GRID1: variants seen among roughly 807,000 people sequenced by gnomAD.
GRID1 encodes glutamate ionotropic receptor delta type subunit 1.
In GRID1, 28 loss-of-function variants were observed where a neutral mutation model predicts 98.0. The observed-to-expected ratio is 0.29, with a 90% CI of 0.21 to 0.39. GRID1 has a LOEUF of 0.39. GRID1 is among the 10% of genes least tolerant of loss of function. The pLI is 1.00. For missense variants in GRID1, 1,111 were observed against 1,340.5 expected, an observed-to-expected ratio of 0.83 and a Z score of 2.67; for synonymous variants, 553 against 538.5, an observed-to-expected ratio of 1.03 and a Z score of -0.37.
chr10:86,186,469 C>T (rs1408457698), intron 3 of GRID1, among the ~76,000 whole-genome samples: 2 of 152,080 alleles, frequency 1.3e-5, no homozygotes, highest in Non-Finnish European at 2.9e-5. Context: ...ATTTGATTTG[C>T]TCTTTTTTCC....
chr10:85,812,572 G>A (rs528440850), intron 8 of GRID1, among the ~76,000 whole-genome samples: 12 of 151,950 alleles, frequency 7.9e-5, no homozygotes, highest in African/African-American at 2.7e-4. Context: ...TTCCAATTCC[G>A]CTAGGCTGGT....
intron 3 of GRID1, among the ~76,000 whole-genome samples, chr10:86,152,562 C>A (rs1402799062): frequency 1.3e-5 from 2 of 152,248 alleles, no homozygotes; most frequent in African/African-American, 4.8e-5. Flanking sequence ...GCTGTGGCTC[C>A]CCTGTGGGAG....
At chr10:86,199,188 C>T (rs1223952689) in intron 3 of GRID1, among the ~76,000 whole-genome samples, 1 of 152,110 alleles carries the variant, frequency 6.6e-6, no homozygotes, top group Admixed American at 6.6e-5. Flanking sequence ...TGTGTCCACT[C>T]AGATACACAC....
At chr10:86,003,592 T>C (rs1378785033) in intron 4 of GRID1, among the ~76,000 whole-genome samples, 1 of 152,062 alleles carries the variant, frequency 6.6e-6, no homozygotes, top group Non-Finnish European at 1.5e-5. Flanking sequence ...TGTGCATGAG[T>C]ACTTCCCATA....
At chr10:86,153,910 C>T (rs940060139) in intron 3 of GRID1, among the ~76,000 whole-genome samples, 1 of 152,162 alleles carries the variant, frequency 6.6e-6, no homozygotes, top group African/African-American at 2.4e-5. Context: ...AGGGTATTAT[C>T]TTAAAATATA....
At chr10:85,720,409 T>C (rs1036668200) in intron 12 of GRID1, among the ~76,000 whole-genome samples, 5 of 152,140 alleles carry the variant, frequency 3.3e-5, no homozygotes, top group Non-Finnish European at 7.4e-5. Context: ...GGAATCACTC[T>C]ACCCTATAGT....
intron 14 of GRID1, among the ~76,000 whole-genome samples, chr10:85,613,968 A>G (rs34102643): frequency 0.12 from 17,754 of 152,284 alleles, 1,171 homozygotes; most frequent in Non-Finnish European, 0.15. Context: ...AGAGCTCAAG[A>G]TAAAACTAGG....
At chr10:86,197,507 G>C (rs945267543) in intron 3 of GRID1, among the ~76,000 whole-genome samples, 3 of 152,116 alleles carry the variant, frequency 2.0e-5, no homozygotes, top group African/African-American at 7.2e-5. Flanking sequence ...GTGGAGCAAA[G>C]GAGGTCTGGG....
chr10:85,701,838 A>G (rs1213747495), intron 12 of GRID1, among the ~76,000 whole-genome samples: 1 of 152,072 alleles, frequency 6.6e-6, no homozygotes, highest in Non-Finnish European at 1.5e-5. Flanking sequence ...AAGGGTGGGA[A>G]GGGGTCAAGG....
chr10:85,684,995 G>C (rs55874918), intron 12 of GRID1, among the ~76,000 whole-genome samples: 1 of 152,300 alleles, frequency 6.6e-6, no homozygotes, highest in Admixed American at 6.5e-5. Flanking sequence ...TACCACACTA[G>C]GGGTTAGGGC....
chr10:85,851,383 T>C (rs574845963), intron 8 of GRID1, among the ~76,000 whole-genome samples: 1 of 152,334 alleles, frequency 6.6e-6, no homozygotes, highest in African/African-American at 2.4e-5. Context: ...CTTTGATTTT[T>C]CCATACAAAG....
intron 12 of GRID1, chr10:85,649,965 G>C (rs186603769): frequency 6.6e-6 from 1 of 152,298 alleles, no homozygotes; most frequent in African/African-American, 2.4e-5. Context: ...ACATGCACTC[G>C]ATCTTTCAAC....
At chr10:85,743,487 G>A (rs747400505) in intron 8 of GRID1, among the ~76,000 whole-genome samples, 1 of 152,104 alleles carries the variant, frequency 6.6e-6, no homozygotes, top group African/African-American at 2.4e-5. Context: ...TGGAAATACA[G>A]TGTTACAATA....
intron 12 of GRID1, among the ~76,000 whole-genome samples, chr10:85,666,304 G>A (rs1384648976): frequency 6.6e-6 from 1 of 152,194 alleles, no homozygotes; most frequent in Non-Finnish European, 1.5e-5. Flanking sequence ...TGCTGAAACA[G>A]AAAGCATGAA....
intron 2 of GRID1, among the ~76,000 whole-genome samples, chr10:86,272,973 A>G (rs963745273): frequency 4.6e-5 from 7 of 152,226 alleles, no homozygotes; most frequent in Non-Finnish European, 8.8e-5. Context: ...CAGGTTAGCT[A>G]CATATGTATA....
At chr10:86,364,576 G>A (rs1446536016) in intron 1 of GRID1, among the ~76,000 whole-genome samples, 1 of 152,214 alleles carries the variant, frequency 6.6e-6, no homozygotes, top group African/African-American at 2.4e-5. Context: ...GTCCCCTGCT[G>A]AGTGGAGCTG....
chr10:85,669,578 T>A (rs961121320), intron 12 of GRID1, among the ~76,000 whole-genome samples: 1 of 152,236 alleles, frequency 6.6e-6, no homozygotes, highest in Admixed American at 6.5e-5. Flanking sequence ...CCATTTTTCA[T>A]CCATGACTTC....
intron 13 of GRID1, among the ~76,000 whole-genome samples, chr10:85,630,591 T>C (rs1457544821): frequency 2.0e-5 from 3 of 152,092 alleles, no homozygotes; most frequent in African/African-American, 7.2e-5. Context: ...TCATATCAAT[T>C]TATAAAAATG....
intron 12 of GRID1, among the ~76,000 whole-genome samples, chr10:85,656,986 G>C (rs1352344966): frequency 6.6e-6 from 1 of 152,082 alleles, no homozygotes; most frequent in African/African-American, 2.4e-5. Context: ...GTCCTCACAT[G>C]GCCTGAAAGG....
Sources: allele counts gnomAD v4.1 joint callset (sites outside exome capture counted in the v4.1 genomes callset), GRCh38; gene constraint gnomAD v4.1.1; transcripts MANE v1.5; gene names NCBI Gene and HGNC (gene_info 2026-07-23, HGNC 2026-07-21).